The following PRUNE2 variants were observed in gnomAD, a reference collection of about 807,000 sequenced individuals.
PRUNE2 encodes prune homolog 2 with BCH domain.
Under a neutral mutation model 252.0 loss-of-function variants are expected in PRUNE2, and 164 were observed. That is an observed-to-expected ratio of 0.65 (90% CI 0.57 to 0.74). The LOEUF (loss-of-function observed/expected upper bound fraction) is 0.74, where lower values mean the gene tolerates loss of function less well. PRUNE2 is among the 30% of genes least tolerant of loss of function. The pLI, the probability that PRUNE2 is intolerant of heterozygous loss-of-function variation, is 0.00. For synonymous variants in PRUNE2, 1,292 were observed against 1,350.2 expected (o/e 0.96, Z 0.94); for missense variants, 3,495 against 3,711.0 (o/e 0.94, Z 1.51).
chr9:76,615,855 C>T (rs1177642934), intron 18 of PRUNE2, among the ~76,000 whole-genome samples: 1 of 146,060 alleles, frequency 6.8e-6, no homozygotes, highest in South Asian at 2.3e-4. Flanking sequence ...CTGCAACCGC[C>T]GTCTCCTAGA....
chr9:76,804,115 T>C (rs2056761658), intron 6 of PRUNE2, among the ~76,000 whole-genome samples: 1 of 152,128 alleles, frequency 6.6e-6, no homozygotes, highest in South Asian at 2.1e-4. Flanking sequence ...GTCTGACAAT[T>C]TTTCCAGGGT....
At chr9:76,615,773 T>TG (rs929566444) in intron 18 of PRUNE2, among the ~76,000 whole-genome samples, 3 of 136,596 alleles carry the variant, frequency 2.2e-5, no homozygotes, top group African/African-American at 8.2e-5. Context: ...TGTGTGGTTT[T>TG]TTTTTTTTTT....
chr9:76,645,431 T>C (rs1038182280), intron 11 of PRUNE2, among the ~76,000 whole-genome samples: 2 of 152,190 alleles, frequency 1.3e-5, no homozygotes, highest in African/African-American at 4.8e-5. Flanking sequence ...GAGCCCCCTA[T>C]TGGGAGCATA....
chr9:76,616,979 CATAAATAAATAAATAAATAA>C (rs879485187), intron 18 of PRUNE2, among the ~76,000 whole-genome samples: 1 of 150,704 alleles, frequency 6.6e-6, no homozygotes, highest in Non-Finnish European at 1.5e-5. Flanking sequence ...TAAATAAATA[CATAAATAAATAAATAAATAA>C]AAGTATCCTT....
intron 12 of PRUNE2, chr9:76,642,018 G>GAAAAGA: frequency 2.0e-6 from 2 of 1,021,108 alleles, no homozygotes; most frequent in Non-Finnish European, 2.7e-6. Context: ...AAAAAAAAAA[G>GAAAAGA]AAAAGAAAAA....
At chr9:76,631,429 C>T (rs1837566097) in intron 15 of PRUNE2, among the ~76,000 whole-genome samples, 1 of 152,238 alleles carries the variant, frequency 6.6e-6, no homozygotes, top group Non-Finnish European at 1.5e-5. Context: ...TAAAACTCAC[C>T]TGGAGGGAAG....
At chr9:76,864,577 T>A (rs1255002719) in intron 1 of PRUNE2, among the ~76,000 whole-genome samples, 1 of 152,128 alleles carries the variant, frequency 6.6e-6, no homozygotes, top group African/African-American at 2.4e-5. Flanking sequence ...AAAAGAATGA[T>A]AAAAGGCAAA....
chr9:76,781,457 T>C (rs188559052), intron 6 of PRUNE2, among the ~76,000 whole-genome samples: 6 of 152,332 alleles, frequency 3.9e-5, no homozygotes, highest in Admixed American at 3.9e-4. Context: ...TGCTGTTCCC[T>C]TTGCCTGGAA....
intron 1 of PRUNE2, among the ~76,000 whole-genome samples, chr9:76,873,303 TTGTATA>T (rs1564481378): frequency 6.6e-6 from 1 of 152,242 alleles, no homozygotes; most frequent in Non-Finnish European, 1.5e-5. Context: ...TTTTCCACTT[TTGTATA>T]TGTTTTAGAT....
intron 17 of PRUNE2, 98 bp from the exon 18 acceptor site, chr9:76,619,485 G>T: frequency 1.3e-6 from 1 of 783,374 alleles, no homozygotes; most frequent in Non-Finnish European, 2.2e-6. Context: ...GTTTAATGTG[G>T]TCCCATTGCT....
intron 6 of PRUNE2, among the ~76,000 whole-genome samples, chr9:76,770,961 A>G: frequency 6.6e-6 from 1 of 152,302 alleles, no homozygotes; most frequent in East Asian, 1.9e-4. Flanking sequence ...TGATAAACTA[A>G]TAACTAACTA....
intron 6 of PRUNE2, among the ~76,000 whole-genome samples, chr9:76,741,553 G>T (rs116372986): frequency 0.012 from 1,780 of 152,246 alleles, 34 homozygotes; most frequent in African/African-American, 0.038. Flanking sequence ...AAGCAGAAAA[G>T]CTATAGGTCT....
chr9:76,890,098 A>G (rs973182252), intron 1 of PRUNE2, among the ~76,000 whole-genome samples: 1 of 152,250 alleles, frequency 6.6e-6, no homozygotes, highest in Non-Finnish European at 1.5e-5. Context: ...CAGGAATGGC[A>G]TACCAGAAAT....
At chr9:76,637,819 C>G (rs1324934178) in intron 13 of PRUNE2, among the ~76,000 whole-genome samples, 3 of 152,080 alleles carry the variant, frequency 2.0e-5, no homozygotes, top group African/African-American at 7.2e-5. Context: ...ACAATGTTAT[C>G]AAATACTAAG....
At chr9:76,677,106 G>T (rs1158368135) in intron 9 of PRUNE2, among the ~76,000 whole-genome samples, 5 of 152,194 alleles carry the variant, frequency 3.3e-5, no homozygotes, top group African/African-American at 1.2e-4. Flanking sequence ...TGATTTAAAT[G>T]TATCTAATTC....
In PRUNE2 at chr9:76,613,488, T is replaced by C. The variant is rs1828084547; in HGVS notation, c.*1082A>G. On this transcript the variant is annotated 3_prime_UTR_variant, in exon 19 of 19. Coordinates refer to ENST00000376718, the MANE Select transcript of PRUNE2 (RefSeq NM_015225.3). ...TGTCATGAAATATTCAAAAAAAATT[T>C]TTCCAACCCAAAATGTAAAAACCAT... The C allele has an allele frequency of 6.6e-6, 1 of 152,198 alleles. No homozygotes were observed. The highest frequency in any genetic ancestry group is 6.5e-5 in the Admixed American group (1 of 15,286). The allele number at this position is 152,198 out of a possible 1,614,324, so 9.4% of individuals were successfully genotyped here.
At position 76,697,648 on chromosome 9, in the gene PRUNE2, ACAT is replaced by A. The variant is rs149234842; in HGVS notation, c.8276+5686_8276+5688del. Among the ~76,000 whole-genome samples, 493 of 152,320 alleles carry A rather than the reference ACAT, an allele frequency of 3.2e-3. 5 individuals are homozygous for A. Among genetic ancestry groups the A allele is most frequent in the African/African-American group, 0.011 (459 of 41,568 alleles). On this transcript the variant is annotated intron_variant, in intron 9 of 18. Transcript: ENST00000376718. ...AGATAACGGGAGAACAGGAATGAAA[ACAT>A]CAACCTATAGAAGCAGCTCAAGAGA...
At chr9:76,667,472 A>C (rs1351974638) in intron 9 of PRUNE2, among the ~76,000 whole-genome samples, 1 of 152,130 alleles carries the variant, frequency 6.6e-6, no homozygotes, top group Admixed American at 6.5e-5. Context: ...TGGGATTTAC[A>C]CTTTGGGAAG....
chr9:76,732,090 G>A (rs2048665784), intron 6 of PRUNE2, among the ~76,000 whole-genome samples: 1 of 152,124 alleles, frequency 6.6e-6, no homozygotes, highest in Non-Finnish European at 1.5e-5. Flanking sequence ...CGAGGCGGGT[G>A]GATCACGAGG....
Sources: gnomAD v4.1 joint callset for allele counts (sites outside exome capture counted in the v4.1 genomes callset) on GRCh38, gnomAD v4.1.1 for gene constraint, MANE v1.5 for transcripts, NCBI Gene and HGNC (gene_info 2026-07-23, HGNC 2026-07-21) for gene names.